COL8A1: variants seen among roughly 807,000 people sequenced by gnomAD.
The protein encoded by COL8A1 is collagen type VIII alpha 1 chain.
COL8A1 carries 21 observed loss-of-function variants against 42.7 expected under a neutral mutation model. That is an observed-to-expected ratio of 0.49 (90% CI 0.35 to 0.71). COL8A1 has a LOEUF of 0.71. Ranked by LOEUF, COL8A1 falls within the 30% of genes least tolerant of loss-of-function variation. COL8A1 has a pLI of 0.01. For missense variants in COL8A1, 788 were observed against 962.4 expected, an observed-to-expected ratio of 0.82 and a Z score of 2.40; for synonymous variants, 367 against 369.1, an observed-to-expected ratio of 0.99 and a Z score of 0.06.
At chr3:99,721,501 G>T (rs969001509) in intron 1 of COL8A1, among the ~76,000 whole-genome samples, 1 of 151,994 alleles carries the variant, frequency 6.6e-6, no homozygotes, top group East Asian at 1.9e-4. Flanking sequence ...GATGGTCAGG[G>T]CTGAGAGAGA....
chr3:99,705,838 A>C (rs1038975903), intron 1 of COL8A1, among the ~76,000 whole-genome samples: 1 of 152,186 alleles, frequency 6.6e-6, no homozygotes, highest in African/African-American at 2.4e-5. Flanking sequence ...TAATTATTTT[A>C]TTAATTTAAT....
intron 1 of COL8A1, among the ~76,000 whole-genome samples, chr3:99,715,651 A>G (rs1939974445): frequency 6.6e-6 from 1 of 152,064 alleles, no homozygotes. Context: ...TCTCAGAACA[A>G]GCAAAAATTT....
At chr3:99,789,059 G>C (rs1241526170) in intron 2 of COL8A1, among the ~76,000 whole-genome samples, 2 of 151,976 alleles carry the variant, frequency 1.3e-5, no homozygotes, top group Admixed American at 1.3e-4. Flanking sequence ...TTTTTTCCAG[G>C]GAAAAAATGA....
chr3:99,742,149 TAA>T (rs1415326267), intron 1 of COL8A1, among the ~76,000 whole-genome samples: 1 of 152,238 alleles, frequency 6.6e-6, no homozygotes, highest in Non-Finnish European at 1.5e-5. Context: ...TCAAATACTT[TAA>T]GTACTAAGTA....
At chr3:99,745,529 T>C (rs907938004) in intron 2 of COL8A1, among the ~76,000 whole-genome samples, 10 of 152,232 alleles carry the variant, frequency 6.6e-5, no homozygotes, top group African/African-American at 2.4e-4. Context: ...CATTATCATA[T>C]TTCTCTTAAT....
At chr3:99,715,586 GA>G (rs1162683119) in intron 1 of COL8A1, among the ~76,000 whole-genome samples, 3 of 152,022 alleles carry the variant, frequency 2.0e-5, no homozygotes, top group Admixed American at 2.0e-4. Context: ...TTATGTATCA[GA>G]ACTTGTACCT....
intron 2 of COL8A1, among the ~76,000 whole-genome samples, chr3:99,780,876 C>T (rs1941781986): frequency 6.6e-6 from 1 of 152,166 alleles, no homozygotes; most frequent in African/African-American, 2.4e-5. Context: ...AAATTCCACC[C>T]CTTAAATAAA....
At chr3:99,671,427 A>C (rs1028926851) in intron 1 of COL8A1, among the ~76,000 whole-genome samples, 1 of 152,042 alleles carries the variant, frequency 6.6e-6, no homozygotes, top group Admixed American at 6.6e-5. Flanking sequence ...TTGTGGAATA[A>C]CCAAATCAAG....
At chr3:99,687,422 G>C (rs545478073) in intron 1 of COL8A1, among the ~76,000 whole-genome samples, 4 of 152,072 alleles carry the variant, frequency 2.6e-5, no homozygotes, top group Admixed American at 6.5e-5. Context: ...ATCCTTATCT[G>C]TTCACGTGTG....
intron 1 of COL8A1, among the ~76,000 whole-genome samples, chr3:99,642,522 C>G (rs1937521081): frequency 6.6e-6 from 1 of 152,210 alleles, no homozygotes; most frequent in East Asian, 1.9e-4. Flanking sequence ...CTTTAGCTGA[C>G]TATGTAAAAT....
chr3:99,778,940 T>C (rs1941744812), intron 2 of COL8A1, among the ~76,000 whole-genome samples: 1 of 152,220 alleles, frequency 6.6e-6, no homozygotes, highest in Non-Finnish European at 1.5e-5. Flanking sequence ...TTTGATTCTA[T>C]TCCCCCAGAC....
In COL8A1 at chr3:99,725,124, T is replaced by G. The variant is rs571669981; in HGVS notation, c.-128-19773T>G. Among the ~76,000 whole-genome samples, 5 of 152,140 alleles carry G rather than the reference T, an allele frequency of 3.3e-5. No individual in the cohort carries two copies. In the South Asian group the frequency reaches 6.2e-4, roughly 19 times the overall value. ...AAAGAGGCTTAATTTAGAGCAATTC[T>G]GGGGGGAGTGCTCTCTCTGGAAATC... On this transcript the variant is annotated intron_variant, in intron 1 of 3. Transcript: ENST00000652472.
At chr3:99,759,990 T>C (rs1941336565) in intron 2 of COL8A1, among the ~76,000 whole-genome samples, 1 of 152,190 alleles carries the variant, frequency 6.6e-6, no homozygotes, top group Non-Finnish European at 1.5e-5. Context: ...TCTTTATATA[T>C]GTTTTTGAGT....
chr3:99,723,306 T>C (rs552097168), intron 1 of COL8A1, among the ~76,000 whole-genome samples: 26 of 152,178 alleles, frequency 1.7e-4, no homozygotes, highest in Non-Finnish European at 2.6e-4. Flanking sequence ...AGAAGAGAGA[T>C]ACCTATCGGC....
chr3:99,647,945 G>A (rs1388511002), intron 1 of COL8A1, among the ~76,000 whole-genome samples: 4 of 152,140 alleles, frequency 2.6e-5, no homozygotes, highest in African/African-American at 9.7e-5. Context: ...GTGCCTGGAG[G>A]TCAGTATCCC....
At chr3:99,679,725 G>C (rs1938810312) in intron 1 of COL8A1, 1 of 152,140 alleles carries the variant, frequency 6.6e-6, no homozygotes, top group Non-Finnish European at 1.5e-5. Context: ...AACTATTCTA[G>C]TCTTTTTGGA....
intron 1 of COL8A1, among the ~76,000 whole-genome samples, chr3:99,696,380 C>A (rs1939365888): frequency 6.6e-6 from 1 of 152,152 alleles, no homozygotes; most frequent in Non-Finnish European, 1.5e-5. Context: ...GTCCTATCCT[C>A]AAGGGCAGGA....
At chr3:99,782,282 A>G (rs184361784) in intron 2 of COL8A1, among the ~76,000 whole-genome samples, 83 of 152,294 alleles carry the variant, frequency 5.4e-4, no homozygotes, top group African/African-American at 1.8e-3. Flanking sequence ...TCCATCGCCA[A>G]CTGTAAGAAG....
intron 1 of COL8A1, among the ~76,000 whole-genome samples, chr3:99,735,631 G>T (rs1055320808): frequency 1.3e-5 from 2 of 148,510 alleles, no homozygotes; most frequent in African/African-American, 5.0e-5. Context: ...TTGTGTCTCT[G>T]CCTGGCTTTG....
Sources: gnomAD v4.1 joint callset for allele counts (sites outside exome capture counted in the v4.1 genomes callset) on GRCh38, gnomAD v4.1.1 for gene constraint, MANE v1.5 for transcripts, NCBI Gene and HGNC (gene_info 2026-07-23, HGNC 2026-07-21) for gene names.